MAP3K20: variants seen among roughly 807,000 people sequenced by gnomAD.
MAP3K20 encodes the protein mitogen-activated protein kinase kinase kinase 20.
Under a neutral mutation model 85.7 loss-of-function variants are expected in MAP3K20, and 40 were observed. That is an observed-to-expected ratio of 0.47 (90% CI 0.36 to 0.61). The LOEUF is 0.61. Ranked by LOEUF, MAP3K20 falls within the 20% of genes least tolerant of loss-of-function variation. The pLI is 0.00. For missense variants in MAP3K20, 817 were observed against 961.7 expected, an observed-to-expected ratio of 0.85 and a Z score of 1.99; for synonymous variants, 325 against 327.7, an observed-to-expected ratio of 0.99 and a Z score of 0.09.
chr2:173,182,980 TAG>T (rs1559267091), intron 4 of MAP3K20, 25 bp downstream of exon 4: 26 of 1,560,230 alleles, frequency 1.7e-5, no homozygotes, highest in Non-Finnish European at 2.3e-5. Context: ...TATATTCTTA[TAG>T]AATTAGTGGG....
chr2:173,138,030 T>A (rs1345550378), intron 2 of MAP3K20, among the ~76,000 whole-genome samples: 1 of 152,178 alleles, frequency 6.6e-6, no homozygotes, highest in Non-Finnish European at 1.5e-5. Context: ...TGCAGTGGCG[T>A]GATCTCGGCT....
intron 10 of MAP3K20, among the ~76,000 whole-genome samples, chr2:173,216,699 T>C (rs1307657114): frequency 6.6e-6 from 1 of 152,190 alleles, no homozygotes; most frequent in African/African-American, 2.4e-5. Context: ...TGGTGTGTTG[T>C]TGACCACCTA....
At chr2:173,185,005 G>A (rs961126910) in intron 4 of MAP3K20, among the ~76,000 whole-genome samples, 1 of 152,028 alleles carries the variant, frequency 6.6e-6, no homozygotes, top group Non-Finnish European at 1.5e-5. Context: ...ACTTTGGGAA[G>A]CCGAGGAAGG....
At chr2:173,110,215 ATATATATATATATATATATATATATATTT>A (rs1170698133) in intron 2 of MAP3K20, among the ~76,000 whole-genome samples, 52 of 6,848 alleles carry the variant, frequency 7.6e-3, no homozygotes, top group African/African-American at 0.024. Flanking sequence ...ATATATATAT[ATATATATATATATATATATATATATATTT>A]TTTTTTTTTT....
chr2:173,232,479 C>T lies in MAP3K20; in HGVS notation c.1203+20C>T. ...TTCAAGGTACCTGAGAAAGGGACAA[C>T]ATTCCATCAGCAAACCCTTTTTTTG... On this transcript the variant is annotated intron_variant, in intron 14 of 19. Transcript: ENST00000375213. 6.2e-7 allele frequency: 1 copy of T among 1,607,512 alleles called. No homozygotes were observed. The highest frequency in any genetic ancestry group is 8.5e-7 in the Non-Finnish European group (1 of 1,177,984).
chr2:173,139,136 A>G (rs931110586), intron 2 of MAP3K20, among the ~76,000 whole-genome samples: 14 of 152,232 alleles, frequency 9.2e-5, no homozygotes, highest in Non-Finnish European at 1.8e-4. Flanking sequence ...CTTGCAAATG[A>G]TGAAGCAAGT....
intron 2 of MAP3K20, among the ~76,000 whole-genome samples, chr2:173,112,128 A>C (rs1183577789): frequency 6.6e-6 from 1 of 151,508 alleles, no homozygotes; most frequent in Non-Finnish European, 1.5e-5. Flanking sequence ...AGGGCTTTTG[A>C]CTCCTTCGTT....
intron 18 of MAP3K20, among the ~76,000 whole-genome samples, chr2:173,261,838 G>A (rs1339066316): frequency 6.6e-6 from 1 of 151,928 alleles, no homozygotes; most frequent in Non-Finnish European, 1.5e-5. Context: ...GCAGCATTAT[G>A]AAACCCTATC....
At chr2:173,253,214 G>C (rs1027462024) in intron 16 of MAP3K20, among the ~76,000 whole-genome samples, 1 of 152,144 alleles carries the variant, frequency 6.6e-6, no homozygotes, top group African/African-American at 2.4e-5. Context: ...GCTGCCAGAT[G>C]ACAAACCAGC....
At chr2:173,157,784 G>A (rs1244838730) in intron 2 of MAP3K20, among the ~76,000 whole-genome samples, 1 of 152,202 alleles carries the variant, frequency 6.6e-6, no homozygotes, top group East Asian at 1.9e-4. Context: ...TGCCTGTAGG[G>A]AGTTAGATCT....
At chr2:173,077,766 A>T (rs1686907248) in intron 1 of MAP3K20, among the ~76,000 whole-genome samples, 1 of 152,334 alleles carries the variant, frequency 6.6e-6, no homozygotes, top group East Asian at 1.9e-4. Context: ...TCTTTTAGGG[A>T]ATATATAAGG....
chr2:173,109,757 G>T (rs1004205637), intron 2 of MAP3K20, among the ~76,000 whole-genome samples: 2 of 152,032 alleles, frequency 1.3e-5, no homozygotes, highest in African/African-American at 2.4e-5. Context: ...CGCTATTTGT[G>T]TCTACAAACA....
chr2:173,208,079 T>C (rs1683749723), intron 9 of MAP3K20, among the ~76,000 whole-genome samples: 1 of 152,160 alleles, frequency 6.6e-6, no homozygotes, highest in Non-Finnish European at 1.5e-5. Flanking sequence ...TCCTTTATTA[T>C]ATAATTAGTT....
At chr2:173,212,205 T>C (rs1376624134) in intron 10 of MAP3K20, 1 of 152,222 alleles carries the variant, frequency 6.6e-6, no homozygotes, top group Non-Finnish European at 1.5e-5. Flanking sequence ...CTTCTGCTGG[T>C]GTGAGAACGA....
chr2:173,181,383 T>C (rs1404240382), intron 3 of MAP3K20, among the ~76,000 whole-genome samples: 1 of 150,180 alleles, frequency 6.7e-6, no homozygotes, highest in African/African-American at 2.4e-5. Context: ...AAAAAGACAA[T>C]ATCAAATGTT....
chr2:173,149,045 TGTAGAC>T (rs1280611068), intron 2 of MAP3K20, among the ~76,000 whole-genome samples: 1 of 152,242 alleles, frequency 6.6e-6, no homozygotes. Flanking sequence ...AGACATCTGT[TGTAGAC>T]GTATAGAATT....
intron 17 of MAP3K20, among the ~76,000 whole-genome samples, chr2:173,260,798 A>T (rs1685274626): frequency 6.6e-6 from 1 of 152,252 alleles, no homozygotes; most frequent in Non-Finnish European, 1.5e-5. Flanking sequence ...GGATTGAGTG[A>T]TAGCAAATGT....
chr2:173,185,602 G>T (rs995250282), intron 4 of MAP3K20, among the ~76,000 whole-genome samples: 1 of 152,122 alleles, frequency 6.6e-6, no homozygotes, highest in African/African-American at 2.4e-5. Flanking sequence ...GAATCCACTG[G>T]AGCAATGATA....
chr2:173,125,864 G>C (rs1026320026), intron 2 of MAP3K20, among the ~76,000 whole-genome samples: 4 of 151,966 alleles, frequency 2.6e-5, no homozygotes, highest in African/African-American at 4.8e-5. Context: ...GGGTTTCACT[G>C]TGTTAGCCAG....
Sources: allele counts gnomAD v4.1 joint callset (sites outside exome capture counted in the v4.1 genomes callset), GRCh38; gene constraint gnomAD v4.1.1; transcripts MANE v1.5; gene names NCBI Gene and HGNC (gene_info 2026-07-23, HGNC 2026-07-21).